Variants in SDK1 observed in about 807,000 individuals in gnomAD.
SDK1 encodes protein sidekick-1.
Under a neutral mutation model 245.5 loss-of-function variants are expected in SDK1, and 157 were observed. The observed-to-expected ratio is 0.64, with a 90% CI of 0.56 to 0.73. SDK1 has a LOEUF of 0.73. Ranked by LOEUF, SDK1 falls within the 30% of genes least tolerant of loss-of-function variation. The pLI, the probability that SDK1 is intolerant of heterozygous loss-of-function variation, is 0.00. For missense variants in SDK1, 3,583 were observed against 3,002.3 expected (o/e 1.19, Z -4.52); for synonymous variants, 1,647 against 1,278.5 (o/e 1.29, Z -6.15).
intron 12 of SDK1, among the ~76,000 whole-genome samples, chr7:3,972,650 A>G (rs1426643774): frequency 6.6e-6 from 1 of 152,136 alleles, no homozygotes; most frequent in African/African-American, 2.4e-5. Context: ...TGGGCAGACT[A>G]CTCAAGATGC....
chr7:3,617,842 C>T (rs1781817318), intron 1 of SDK1, among the ~76,000 whole-genome samples: 1 of 152,160 alleles, frequency 6.6e-6, no homozygotes, highest in African/African-American at 2.4e-5. Flanking sequence ...GAATGGCCAT[C>T]ACATTTCATC....
intron 1 of SDK1, among the ~76,000 whole-genome samples, chr7:3,565,880 T>G (rs1779899309): frequency 6.6e-6 from 1 of 152,216 alleles, no homozygotes; most frequent in East Asian, 1.9e-4. Context: ...CCACAGTTGA[T>G]CAGATCCATA....
intron 5 of SDK1, among the ~76,000 whole-genome samples, chr7:3,933,135 T>A (rs1352884104): frequency 1.4e-5 from 2 of 145,642 alleles, no homozygotes; most frequent in African/African-American, 2.6e-5. Flanking sequence ...TTTTTTTTTT[T>A]TTTTTTTTTT....
chr7:4,157,408 T>TG (rs1562899467), intron 30 of SDK1, among the ~76,000 whole-genome samples: 3 of 44,916 alleles, frequency 6.7e-5, no homozygotes, highest in African/African-American at 3.4e-4. Flanking sequence ...GAGGGAGGAA[T>TG]GAAGAAAAGG....
At chr7:3,803,301 T>A (rs982772448) in intron 4 of SDK1, among the ~76,000 whole-genome samples, 1 of 150,950 alleles carries the variant, frequency 6.6e-6, no homozygotes, top group African/African-American at 2.5e-5. Context: ...TTTCTTTTCT[T>A]TCTTTCTTTC....
At chr7:3,454,378 T>A (rs1432694294) in intron 1 of SDK1, among the ~76,000 whole-genome samples, 1 of 100,012 alleles carries the variant, frequency 1.0e-5, no homozygotes, top group Non-Finnish European at 2.3e-5. Flanking sequence ...TTTTTCGTGT[T>A]CCCCAAGATT....
At chr7:4,079,908 A>T (rs1780946971) in intron 22 of SDK1, among the ~76,000 whole-genome samples, 1 of 152,208 alleles carries the variant, frequency 6.6e-6, no homozygotes. Flanking sequence ...TTAGCTACTA[A>T]ATATACTAAT....
At chr7:3,496,458 CTTTT>C (rs76227321) in intron 1 of SDK1, among the ~76,000 whole-genome samples, 4 of 142,776 alleles carry the variant, frequency 2.8e-5, no homozygotes, top group African/African-American at 1.0e-4. Context: ...GTGTTTTTAA[CTTTT>C]TTTTTTTTTA....
chr7:4,077,493 T>C (rs1780768328), intron 21 of SDK1, among the ~76,000 whole-genome samples: 1 of 152,218 alleles, frequency 6.6e-6, no homozygotes, highest in South Asian at 2.1e-4. Context: ...ATGCCATGAA[T>C]ACTTTCAAAA....
At chr7:3,557,287 A>G (rs1314203854) in intron 1 of SDK1, among the ~76,000 whole-genome samples, 3 of 152,238 alleles carry the variant, frequency 2.0e-5, no homozygotes, top group Non-Finnish European at 4.4e-5. Context: ...TAAAGCCACT[A>G]AAGGACTCAT....
intron 1 of SDK1, among the ~76,000 whole-genome samples, chr7:3,386,928 G>C (rs188929018): frequency 6.6e-5 from 10 of 152,304 alleles, no homozygotes; most frequent in African/African-American, 2.4e-4. Flanking sequence ...GGAATAAAGA[G>C]AGGAAAACCC....
At chr7:4,081,657 A>C (rs756989901) in intron 22 of SDK1, among the ~76,000 whole-genome samples, 1 of 152,060 alleles carries the variant, frequency 6.6e-6, no homozygotes, top group African/African-American at 2.4e-5. Context: ...TGACCTCGTG[A>C]TCCGCCTGCC....
chr7:3,340,773 A>C (rs926734872), intron 1 of SDK1, among the ~76,000 whole-genome samples: 5 of 151,770 alleles, frequency 3.3e-5, no homozygotes, highest in African/African-American at 1.2e-4. Flanking sequence ...TCTCAAAAAA[A>C]AAAAAAAAAT....
chr7:4,225,688 C>T (rs1427065650), intron 40 of SDK1, among the ~76,000 whole-genome samples: 1 of 152,144 alleles, frequency 6.6e-6, no homozygotes, highest in East Asian at 1.9e-4. Flanking sequence ...TCACACTGGG[C>T]CCACGCCTCA....
chr7:3,590,574 T>C (rs963394702), intron 1 of SDK1, among the ~76,000 whole-genome samples: 1 of 152,140 alleles, frequency 6.6e-6, no homozygotes, highest in Non-Finnish European at 1.5e-5. Flanking sequence ...CAGAAATCTA[T>C]TAATTAAAAT....
intron 5 of SDK1, among the ~76,000 whole-genome samples, chr7:3,866,692 A>T (rs117489024): frequency 6.6e-6 from 1 of 152,120 alleles, no homozygotes; most frequent in Non-Finnish European, 1.5e-5. Flanking sequence ...GAGACTGAGC[A>T]TTGATTGTGA....
chr7:3,442,471 G>T lies in SDK1; in HGVS notation c.298+140587G>T, dbSNP rs1780222821. 2.0e-5 allele frequency among the ~76,000 whole-genome samples: 3 copies of T among 152,132 alleles called. No individual in the cohort carries two copies. In the South Asian group the frequency reaches 6.2e-4, roughly 32 times the overall value. On this transcript the variant is annotated intron_variant, in intron 1 of 44. Transcript: ENST00000404826. ...TCAGGACATATTTATCCTTGAGAGT[G>T]AGCCTACACTATCCTCCTAAGACCT... is the stretch of plus-strand genomic sequence containing the variant.
chr7:3,553,346 G>GC (rs559766892), intron 1 of SDK1, among the ~76,000 whole-genome samples: 7 of 152,040 alleles, frequency 4.6e-5, no homozygotes, highest in Non-Finnish European at 8.8e-5. Flanking sequence ...GGACAAAATG[G>GC]CACAGACCTG....
At chr7:3,630,057 A>G (rs187860421) in intron 2 of SDK1, among the ~76,000 whole-genome samples, 4 of 152,350 alleles carry the variant, frequency 2.6e-5, no homozygotes, top group African/African-American at 4.8e-5. Context: ...TAATAAAGCT[A>G]TAGTGATAGA....
Sources: gnomAD v4.1 joint callset for allele counts (sites outside exome capture counted in the v4.1 genomes callset) on GRCh38, gnomAD v4.1.1 for gene constraint, MANE v1.5 for transcripts, NCBI Gene and HGNC (gene_info 2026-07-23, HGNC 2026-07-21) for gene names.